The following FBXL17 variants were observed in gnomAD, a reference collection of about 807,000 sequenced individuals.
FBXL17 encodes F-box and leucine rich repeat protein 17.
Under a neutral mutation model 66.2 loss-of-function variants are expected in FBXL17, and 22 were observed. The observed-to-expected ratio is 0.33, with a 90% CI of 0.24 to 0.47. The LOEUF is 0.47. FBXL17 is among the 20% of genes least tolerant of loss of function. FBXL17 has a pLI of 1.00. For missense variants in FBXL17, 878 were observed against 948.2 expected (o/e 0.93, Z 0.97); for synonymous variants, 474 against 400.5 (o/e 1.18, Z -2.19).
intron 5 of FBXL17, among the ~76,000 whole-genome samples, chr5:108,189,754 T>C (rs1289388969): frequency 6.6e-6 from 1 of 152,192 alleles, no homozygotes; most frequent in Admixed American, 6.5e-5. Flanking sequence ...ACAAAGGATC[T>C]AGAGGTCTGA....
At chr5:108,294,123 TA>T (rs895202246) in intron 4 of FBXL17, among the ~76,000 whole-genome samples, 2 of 148,804 alleles carry the variant, frequency 1.3e-5, no homozygotes, top group African/African-American at 2.5e-5. Flanking sequence ...GACATGATAT[TA>T]AAAAAACTGA....
At chr5:108,035,735 T>G (rs769674111) in intron 6 of FBXL17, among the ~76,000 whole-genome samples, 8 of 152,144 alleles carry the variant, frequency 5.3e-5, no homozygotes, top group Non-Finnish European at 8.8e-5. Flanking sequence ...ACCATATTTA[T>G]TATTGAGCCT....
chr5:108,119,463 TC>T (rs1393390784), intron 6 of FBXL17, among the ~76,000 whole-genome samples: 1 of 152,160 alleles, frequency 6.6e-6, no homozygotes, highest in African/African-American at 2.4e-5. Context: ...CTAGCCTTGC[TC>T]AGTTGGAAGC....
At position 108,380,918 on chromosome 5, in the gene FBXL17, G is replaced by A. The variant is rs1455289067; in HGVS notation, c.774C>T (p.Leu258=). The change falls in exon 1 of 9, where the codon CTC becomes CTT. Residue 258 remains leucine (L), a synonymous_variant. Transcript: ENST00000542267. ...AGGTGGGAGAAGAGGGCGGAGGGCA[G>A]AGCGGCTGCGGGGGCTGCTCCGGGG... ...CQAPEQPPQP[L]CPPPSSPTSE... The A allele has an allele frequency of 4.2e-5, 52 of 1,225,992 alleles. No individual in the cohort carries two copies. The highest frequency in any genetic ancestry group is 3.4e-5 in the Non-Finnish European group (33 of 980,898). The allele number at this position is 1,225,992 out of a possible 1,614,324, so 75.9% of individuals were successfully genotyped here. A position where few individuals can be genotyped will look rare whatever the true frequency, so the allele number is the denominator to read the frequency against.
At chr5:108,070,658 G>A (rs1417921635) in intron 6 of FBXL17, among the ~76,000 whole-genome samples, 1 of 152,110 alleles carries the variant, frequency 6.6e-6, no homozygotes, top group Non-Finnish European at 1.5e-5. Flanking sequence ...TGAAAACATA[G>A]ATATAAAGAT....
Position 107,878,306 on chromosome 5 carries a change from A to G in FBXL17, c.1965+2731T>C, listed in dbSNP as rs143430115. The G allele has an allele frequency of 2.7e-3, 2,526 of 941,234 alleles. 52 individuals carry two copies. In the African/African-American group the frequency reaches 0.042, roughly 16 times the overall value. 58.3% of individuals were successfully genotyped at this position (941,234 alleles called of 1,614,324 possible). A position where few individuals can be genotyped will look rare whatever the true frequency, so the allele number is the denominator to read the frequency against. On this transcript the variant is annotated intron_variant, in intron 8 of 8. Transcript: ENST00000542267. ...CAATATAATTTTTTTTTCTCATTGG[A>G]AAATTCCAGTATCACAACACAGGTT... is the stretch of plus-strand genomic sequence containing the variant.
chr5:108,097,548 TG>T (rs1362159110), intron 6 of FBXL17, among the ~76,000 whole-genome samples: 1 of 151,472 alleles, frequency 6.6e-6, no homozygotes, highest in Admixed American at 6.6e-5. Context: ...CCCAGCACTT[TG>T]GGAGGTGGGG....
chr5:107,947,540 C>T (rs1561334025), intron 7 of FBXL17, among the ~76,000 whole-genome samples: 1 of 152,220 alleles, frequency 6.6e-6, no homozygotes, highest in Non-Finnish European at 1.5e-5. Context: ...ACCTGCCAAA[C>T]CTACTAATTC....
chr5:108,265,458 C>T (rs1162433734), intron 4 of FBXL17, among the ~76,000 whole-genome samples: 1 of 152,094 alleles, frequency 6.6e-6, no homozygotes, highest in Non-Finnish European at 1.5e-5. Flanking sequence ...CTATATTAAA[C>T]CCAGTATCAC....
Position 108,155,836 on chromosome 5 carries a change from C to T in FBXL17, c.1745+30281G>A, listed in dbSNP as rs77462541. On this transcript the variant is annotated intron_variant, in intron 6 of 8. Coordinates refer to ENST00000542267, the MANE Select transcript of FBXL17 (RefSeq NM_001163315.3). Reference sequence around the variant, plus strand: ...TAAGGAATCCATCTTGCAATAAACACTTTATGCCCTCAGGTTATTTTCAAT... The same window carrying T: ...TAAGGAATCCATCTTGCAATAAACATTTTATGCCCTCAGGTTATTTTCAAT... 3.4e-3 allele frequency among the ~76,000 whole-genome samples: 523 copies of T among 152,228 alleles called. 2 individuals are homozygous for T. Among genetic ancestry groups the T allele is most frequent in the African/African-American group, 0.012 (505 of 41,546 alleles).
intron 6 of FBXL17, among the ~76,000 whole-genome samples, chr5:108,157,648 AT>A (rs1291922896): frequency 2.0e-5 from 3 of 151,936 alleles, no homozygotes; most frequent in African/African-American, 7.2e-5. Context: ...TATATGCAAA[AT>A]AAATTCATAT....
chr5:108,368,566 A>G (rs960407193), intron 1 of FBXL17, among the ~76,000 whole-genome samples: 3 of 152,128 alleles, frequency 2.0e-5, no homozygotes, highest in Non-Finnish European at 4.4e-5. Context: ...GTCATGAAAA[A>G]CAACAAAAAA....
At chr5:108,332,639 G>T (rs921458791) in intron 4 of FBXL17, among the ~76,000 whole-genome samples, 2 of 151,902 alleles carry the variant, frequency 1.3e-5, no homozygotes, top group African/African-American at 4.8e-5. Flanking sequence ...ACAGAGTCTC[G>T]CTCTGTCAAC....
At chr5:107,873,160 A>G (rs562465612) in intron 8 of FBXL17, among the ~76,000 whole-genome samples, 21 of 152,390 alleles carry the variant, frequency 1.4e-4, no homozygotes, top group African/African-American at 5.0e-4. Context: ...AGAGGCTTAG[A>G]GGACCACAGC....
chr5:108,281,075 G>A (rs1047203383), intron 4 of FBXL17, among the ~76,000 whole-genome samples: 2 of 151,798 alleles, frequency 1.3e-5, no homozygotes, highest in African/African-American at 4.8e-5. Flanking sequence ...AATAATAGTG[G>A]AGGAATTCAA....
chr5:108,214,756 T>C (rs777678958), intron 5 of FBXL17, among the ~76,000 whole-genome samples: 1 of 152,188 alleles, frequency 6.6e-6, no homozygotes. Context: ...CTCCTATCTG[T>C]TCTTCTAGAA....
At chr5:107,967,533 A>G (rs7707026) in intron 7 of FBXL17, among the ~76,000 whole-genome samples, 107,259 of 123,776 alleles carry the variant, frequency 0.87, 46,153 homozygotes, top group African/African-American at 0.93. Flanking sequence ...TCCTGTCATG[A>G]GGTGGGGGGA....
chr5:107,976,752 A>T (rs1262950415), intron 7 of FBXL17, among the ~76,000 whole-genome samples: 1 of 152,188 alleles, frequency 6.6e-6, no homozygotes, highest in Admixed American at 6.5e-5. Context: ...CAATTGGATT[A>T]AAAAAAGAAA....
rs888949369 is a variant in FBXL17 at position 108,380,768 on chromosome 5, G to A, written c.924C>T (p.Cys308=). The change falls in exon 1 of 9, where the codon TGC becomes TGT. Residue 308 remains cysteine, a synonymous_variant. Coordinates refer to ENST00000542267, the MANE Select transcript of FBXL17 (RefSeq NM_001163315.3). ...CGGGGGGCGGCTCCCTGTGACAGTC[G>A]CAGGGGTTTTCGGGGGACTCCCGAC... is the stretch of plus-strand genomic sequence containing the variant. ...ADCRESPENP[C]DCHREPPPET... 8.0e-7 allele frequency: 1 copy of A among 1,248,602 alleles called. No individual in the cohort carries two copies. Among genetic ancestry groups the A allele is most frequent in the Non-Finnish European group, 1.0e-6 (1 of 988,472 alleles). The allele number at this position is 1,248,602 out of a possible 1,614,324, so 77.3% of individuals were successfully genotyped here. A position where few individuals can be genotyped will look rare whatever the true frequency, so the allele number is the denominator to read the frequency against.
Sources: allele counts gnomAD v4.1 joint callset (sites outside exome capture counted in the v4.1 genomes callset), GRCh38; gene constraint gnomAD v4.1.1; transcripts MANE v1.5; gene names NCBI Gene and HGNC (gene_info 2026-07-23, HGNC 2026-07-21).